DHX57: variants seen among roughly 807,000 people sequenced by gnomAD.
DHX57 encodes DExH-box helicase 57.
Under a neutral mutation model 156.2 loss-of-function variants are expected in DHX57, and 105 were observed. The observed-to-expected ratio is 0.67, with a 90% CI of 0.57 to 0.79. The LOEUF (loss-of-function observed/expected upper bound fraction) is 0.79, where lower values mean the gene tolerates loss of function less well. Ranked by LOEUF, DHX57 falls within the 30% of genes least tolerant of loss-of-function variation. The probability of loss-of-function intolerance (pLI) is 0.00; values close to 1 mark genes in which losing one functional copy is unlikely to be tolerated. For synonymous variants in DHX57, 704 were observed against 595.6 expected (o/e 1.18, Z -2.65); for missense variants, 1,847 against 1,661.9 (o/e 1.11, Z -1.94).
rs142140077 is a variant in DHX57, at chr2:38,861,132, C to T, written c.1278G>A (p.Thr426=). ...EEESEIVKLL[T]NTHHKYSDPP... ...GGTCACTATACTTGTGGTGGGTATT[C>T]GTTAGTAACTTGACTATTTCCGACT... Residue 426 remains threonine, a synonymous_variant, in exon 5 of 24, where the codon ACG becomes ACA. Coordinates refer to ENST00000457308, the MANE Select transcript of DHX57 (RefSeq NM_198963.3). 8.9e-5 allele frequency: 144 copies of T among 1,614,160 alleles called. No homozygotes were observed. In the African/African-American group the frequency reaches 1.5e-3, roughly 17 times the overall value.
At chr2:38,828,722 CAA>C (rs775943686) in intron 13 of DHX57, among the ~76,000 whole-genome samples, 40 of 100,064 alleles carry the variant, frequency 4.0e-4, no homozygotes, top group Admixed American at 6.4e-4. Context: ...GACCCTTTCT[CAA>C]AAAAAAAAAA....
intron 9 of DHX57, among the ~76,000 whole-genome samples, chr2:38,852,519 T>A (rs928908977): frequency 6.6e-6 from 1 of 151,788 alleles, no homozygotes; most frequent in Non-Finnish European, 1.5e-5. Flanking sequence ...CTTTTACTGC[T>A]CTAGGGCATG....
chr2:38,826,189 G>T, intron 15 of DHX57, 142 bp from the exon 16 acceptor site: 1 of 913,720 alleles, frequency 1.1e-6, no homozygotes, highest in Non-Finnish European at 1.6e-6. Context: ...TGAGCCCCTG[G>T]TAGGAGCAGC....
At chr2:38,839,298 C>T (rs1671854933) in intron 12 of DHX57, among the ~76,000 whole-genome samples, 1 of 151,992 alleles carries the variant, frequency 6.6e-6, no homozygotes, top group Non-Finnish European at 1.5e-5. Context: ...GCTGCCCATT[C>T]TTCTCAGGCT....
chr2:38,811,432 G>A, intron 21 of DHX57: 5 of 602,180 alleles, frequency 8.3e-6, no homozygotes, highest in South Asian at 5.9e-5. Context: ...CCTCATACAG[G>A]CCAGATGAAC....
chr2:38,812,027 T>G (rs1313385171), intron 21 of DHX57, among the ~76,000 whole-genome samples: 1 of 152,018 alleles, frequency 6.6e-6, no homozygotes, highest in Non-Finnish European at 1.5e-5. Context: ...CCAAAGTGCT[T>G]GGATTATAGG....
intron 13 of DHX57, among the ~76,000 whole-genome samples, chr2:38,836,426 C>T (rs759151773): frequency 2.0e-5 from 3 of 152,072 alleles, no homozygotes; most frequent in Non-Finnish European, 2.9e-5. Context: ...ATTTTCTCTT[C>T]CTTATGACTT....
chr2:38,797,968 T>A lies in DHX57; in HGVS notation c.*331A>T, dbSNP rs542768100. The A allele has an allele frequency of 5.0e-6, 1 of 200,998 alleles. No individual in the cohort carries two copies. The highest frequency in any genetic ancestry group is 1.4e-4 in the East Asian group (1 of 7,264). The allele number at this position is 200,998 out of a possible 1,614,324, so 12.5% of individuals were successfully genotyped here. A position where few individuals can be genotyped will look rare whatever the true frequency, so the allele number is the denominator to read the frequency against. The stretch of plus-strand genomic sequence containing the variant: ...CCAGTAAAAAGTAGGAGAAAAAGAA[T>A]ACACAGATTAAAACAGAATTGTATT... On this transcript the variant is annotated 3_prime_UTR_variant, in exon 24 of 24. Transcript: ENST00000457308.
At chr2:38,871,643 G>A (rs778437319) in intron 1 of DHX57, among the ~76,000 whole-genome samples, 18 of 151,964 alleles carry the variant, frequency 1.2e-4, no homozygotes, top group Non-Finnish European at 2.6e-4. Flanking sequence ...GTGGAAGATG[G>A]AAGGCAGAAG....
intron 23 of DHX57, among the ~76,000 whole-genome samples, chr2:38,801,786 G>T (rs1248027049): frequency 1.3e-5 from 2 of 152,038 alleles, no homozygotes; most frequent in African/African-American, 4.8e-5. Flanking sequence ...TAGTAGAGAT[G>T]GGGTTTCACC....
At chr2:38,838,086 C>T in intron 12 of DHX57, 139 bp from the exon 13 acceptor site, 1 of 632,472 alleles carries the variant, frequency 1.6e-6, no homozygotes, top group Admixed American at 2.7e-5. Flanking sequence ...ATTTAATGTA[C>T]TGAAATGAAC....
intron 21 of DHX57, among the ~76,000 whole-genome samples, chr2:38,808,324 T>C (rs937365635): frequency 1.3e-5 from 2 of 152,100 alleles, no homozygotes; most frequent in African/African-American, 4.8e-5. Context: ...CATAAACACA[T>C]AAATAAAATA....
At chr2:38,862,040 TG>T (rs1257610924) in intron 4 of DHX57, 104 bp downstream of exon 4, 133 of 1,353,386 alleles carry the variant, frequency 9.8e-5, no homozygotes, top group Non-Finnish European at 1.2e-4. Context: ...CAGGCATTGC[TG>T]GAACCCACAT....
At chr2:38,830,535 A>G (rs1671325919) in intron 13 of DHX57, among the ~76,000 whole-genome samples, 1 of 152,026 alleles carries the variant, frequency 6.6e-6, no homozygotes, top group Non-Finnish European at 1.5e-5. Flanking sequence ...GGCTGGAGGC[A>G]CGAGAATCAC....
chr2:38,822,905 C>T (rs901487808), intron 17 of DHX57, 88 bp downstream of exon 17: 2 of 1,336,890 alleles, frequency 1.5e-6, no homozygotes, highest in African/African-American at 1.8e-5. Flanking sequence ...TTTTAGGGGG[C>T]TCACATGCCC....
At chr2:38,817,702 A>T (rs1302644544) in intron 19 of DHX57, among the ~76,000 whole-genome samples, 4 of 151,238 alleles carry the variant, frequency 2.6e-5, no homozygotes, top group Non-Finnish European at 4.4e-5. Context: ...GACATTTTTT[A>T]TTTTTATTTT....
intron 13 of DHX57, among the ~76,000 whole-genome samples, chr2:38,832,555 T>A (rs1017718677): frequency 5.8e-4 from 74 of 126,980 alleles, no homozygotes; most frequent in Middle Eastern, 4.0e-3. Context: ...ATATATATTT[T>A]TTTTTTTAGA....
At chr2:38,863,579 C>T (rs1673354067) in intron 2 of DHX57, 60 bp from the exon 3 acceptor site, 2 of 1,523,258 alleles carry the variant, frequency 1.3e-6, no homozygotes, top group Admixed American at 2.0e-5. Context: ...TTTACACTCT[C>T]CTCAGGGGTC....
Position 38,822,996 on chromosome 2 carries a change from C to G in DHX57, c.3288G>C (p.Pro1096=). 1.2e-6 allele frequency: 2 copies of G among 1,613,742 alleles called. No homozygotes were observed. The highest frequency in any genetic ancestry group is 1.7e-6 in the Non-Finnish European group (2 of 1,179,810). The change falls in exon 17 of 24, where the codon CCG becomes CCC. Residue 1096 remains proline (P), a synonymous_variant. Transcript: ENST00000457308. ...TAGATGAATGTTGTTTACTTACAAACGGAGACTTAAAAGCCAAACTGGCAG... is the reference window on the plus strand; with the variant it reads ...TAGATGAATGTTGTTTACTTACAAAGGGAGACTTAAAAGCCAAACTGGCAG... The part of the protein sequence containing the change: ...TIAASLAFKS[P]FVSPWDKKEE...
Sources: gnomAD v4.1 joint callset for allele counts (sites outside exome capture counted in the v4.1 genomes callset) on GRCh38, gnomAD v4.1.1 for gene constraint, MANE v1.5 for transcripts, NCBI Gene and HGNC (gene_info 2026-07-23, HGNC 2026-07-21) for gene names.